The following PSMB1 variants were observed in gnomAD, a reference collection of about 807,000 sequenced individuals.
The protein encoded by PSMB1 is proteasome subunit beta type-1.
A neutral mutation model predicts 25.4 loss-of-function variants in PSMB1; 7 were observed. The observed-to-expected ratio is 0.28, with a 90% CI of 0.16 to 0.52. The LOEUF is 0.52. PSMB1 is among the 20% of genes least tolerant of loss of function. PSMB1 has a pLI of 0.97. For synonymous variants in PSMB1, 119 were observed against 115.0 expected, an observed-to-expected ratio of 1.03 and a Z score of -0.22; for missense variants, 284 against 302.2, an observed-to-expected ratio of 0.94 and a Z score of 0.45.
rs544815412 is a variant in PSMB1, at chr6:170,552,478, T to C, written c.113+652A>G. On this transcript the variant is annotated intron_variant, in intron 1 of 5. Transcript: ENST00000262193. ...AAGAACACACATACTAAAAGGTCCA[T>C]CTTCTGAGTATTTTGTTTTCCTGAA... Among the ~76,000 whole-genome samples the C allele has an allele frequency of 2.6e-5, 4 of 151,768 alleles. No homozygotes were observed. The East Asian group carries it at 7.8e-4, about 30-fold the overall frequency.
rs749382201 is a variant in PSMB1, at chr6:170,535,241, A to C, written c.705T>G (p.Thr235=). Residue 235 remains threonine, a synonymous_variant, in exon 6 of 6, where the codon ACT becomes ACG. Transcript: ENST00000262193. ...CAGATCAGTCCTTCCTTAAGGAAAC[A>C]GTTTCCTCCCTGATGCCCTCTTTGG... ...IVTKEGIREE[T]VSLRKD 1.0e-4 allele frequency: 166 copies of C among 1,614,000 alleles called. No individual in the cohort carries two copies. The highest frequency in any genetic ancestry group is 1.7e-4 in the Admixed American group (10 of 59,994).
chr6:170,551,454 G>A (rs1272512490), intron 1 of PSMB1, among the ~76,000 whole-genome samples: 2 of 152,148 alleles, frequency 1.3e-5, no homozygotes, highest in East Asian at 3.9e-4. Flanking sequence ...AGAGCCAGCT[G>A]CAGTAAACAC....
intron 1 of PSMB1, among the ~76,000 whole-genome samples, chr6:170,552,852 T>G (rs1358533714): frequency 2.6e-5 from 4 of 152,202 alleles, no homozygotes; most frequent in Non-Finnish European, 5.9e-5. Flanking sequence ...GGAGTGGCGG[T>G]CCACATAAAA....
At chr6:170,547,846 T>C (rs1778839312) in intron 2 of PSMB1, among the ~76,000 whole-genome samples, 1 of 150,336 alleles carries the variant, frequency 6.7e-6, no homozygotes, top group Non-Finnish European at 1.5e-5. Flanking sequence ...TGCTGCATTG[T>C]TCTTATTCTC....
intron 1 of PSMB1, among the ~76,000 whole-genome samples, chr6:170,551,131 G>A (rs775173538): frequency 6.6e-6 from 1 of 152,170 alleles, no homozygotes; most frequent in Non-Finnish European, 1.5e-5. Context: ...GACAGAGTGA[G>A]ACTCTGTCTC....
At chr6:170,546,216 G>A in intron 2 of PSMB1, 32 bp from the exon 3 acceptor site, 1 of 1,571,798 alleles carries the variant, frequency 6.4e-7, no homozygotes, top group South Asian at 1.1e-5. Context: ...AAACTGAGCT[G>A]GTTAGATAGT....
chr6:170,537,120 C>A (rs1778703794), intron 5 of PSMB1, 114 bp downstream of exon 5: 1 of 755,942 alleles, frequency 1.3e-6, no homozygotes, highest in South Asian at 1.7e-5. Context: ...ATAAGAAAGT[C>A]TTTATATCTT....
At chr6:170,539,067 C>A (rs1039338428) in intron 4 of PSMB1, among the ~76,000 whole-genome samples, 11 of 151,986 alleles carry the variant, frequency 7.2e-5, no homozygotes, top group Non-Finnish European at 1.5e-4. Context: ...AAGAGAGACA[C>A]TAGTAAAATC....
intron 3 of PSMB1, among the ~76,000 whole-genome samples, chr6:170,544,543 A>T (rs2114978740): frequency 6.6e-6 from 1 of 152,290 alleles, no homozygotes; most frequent in South Asian, 2.1e-4. Flanking sequence ...ACCACATAGC[A>T]AACATCTCTA....
At position 170,551,581 on chromosome 6, in the gene PSMB1, T is replaced by C. The variant is rs17860804; in HGVS notation, c.113+1549A>G. 6.4e-3 allele frequency among the ~76,000 whole-genome samples: 968 copies of C among 152,158 alleles called. 2 individuals carry two copies. Among genetic ancestry groups the C allele is most frequent in the South Asian group, 0.011 (51 of 4,828 alleles). Reference sequence around the variant, plus strand: ...TAAAAAGTGAGTAACGAGTAGGGCATACTGAACACTGAAAATTCTTATTTA... The same window carrying C: ...TAAAAAGTGAGTAACGAGTAGGGCACACTGAACACTGAAAATTCTTATTTA... On this transcript the variant is annotated intron_variant, in intron 1 of 5. Coordinates refer to ENST00000262193, the MANE Select transcript of PSMB1 (RefSeq NM_002793.4).
At chr6:170,537,576 C>T (rs1482965007) in intron 4 of PSMB1, among the ~76,000 whole-genome samples, 5 of 152,110 alleles carry the variant, frequency 3.3e-5, no homozygotes, top group Admixed American at 3.3e-4. Flanking sequence ...GCAGACAGCC[C>T]CAATCCCCGT....
At chr6:170,549,525 T>C (rs1213083663) in intron 1 of PSMB1, 2 of 156,130 alleles carry the variant, frequency 1.3e-5, no homozygotes, top group Non-Finnish European at 2.8e-5. Flanking sequence ...TCTTGCTTCA[T>C]TTCTTTATAT....
chr6:170,540,282 C>A (rs1464362486), intron 4 of PSMB1, among the ~76,000 whole-genome samples: 3 of 152,114 alleles, frequency 2.0e-5, no homozygotes, highest in Non-Finnish European at 4.4e-5. Context: ...AGCAGAGGCT[C>A]TGGACTTAGG....
chr6:170,548,503 T>TA (rs57002371), intron 2 of PSMB1, among the ~76,000 whole-genome samples: 2,589 of 144,918 alleles, frequency 0.018, 69 homozygotes, highest in African/African-American at 0.061. Flanking sequence ...ATGTTTCAGG[T>TA]AAAAAAAAAA....
At chr6:170,551,664 T>C (rs959512997) in intron 1 of PSMB1, among the ~76,000 whole-genome samples, 2 of 152,164 alleles carry the variant, frequency 1.3e-5, no homozygotes, top group African/African-American at 2.4e-5. Flanking sequence ...ACAACTTAAT[T>C]AGTCATCACA....
intron 4 of PSMB1, among the ~76,000 whole-genome samples, chr6:170,542,322 G>T (rs866119869): frequency 1.3e-5 from 2 of 152,058 alleles, no homozygotes; most frequent in Non-Finnish European, 1.5e-5. Flanking sequence ...GAGGCAGGGC[G>T]CTGAAATGAA....
intron 2 of PSMB1, among the ~76,000 whole-genome samples, chr6:170,548,532 TA>T (rs553638412): frequency 5.9e-4 from 89 of 152,068 alleles, no homozygotes; most frequent in African/African-American, 2.0e-3. Flanking sequence ...GAGGCAGATT[TA>T]AAAAAAATAT....
chr6:170,553,249 G>GCTGCGC lies in PSMB1; in HGVS notation c.-13_-8dup. 1 of 1,593,814 alleles carries GCTGCGC rather than the reference G, an allele frequency of 6.3e-7. No individual in the cohort carries two copies. Among genetic ancestry groups the GCTGCGC allele is most frequent in the Non-Finnish European group, 8.6e-7 (1 of 1,165,502 alleles). On this transcript the variant is annotated 5_prime_UTR_variant, in exon 1 of 6. Transcript: ENST00000262193. ...TGGCTGTAGAGGACAACATCGCACG[G>GCTGCGC]CTGCGCCTGCGGATCCGACACTTGC...
intron 1 of PSMB1, among the ~76,000 whole-genome samples, chr6:170,552,856 C>T (rs1778929909): frequency 6.6e-6 from 1 of 152,232 alleles, no homozygotes; most frequent in Non-Finnish European, 1.5e-5. Flanking sequence ...TGGCGGTCCA[C>T]ATAAAAACTC....
Sources: gnomAD v4.1 joint callset for allele counts (sites outside exome capture counted in the v4.1 genomes callset) on GRCh38, gnomAD v4.1.1 for gene constraint, MANE v1.5 for transcripts, NCBI Gene and HGNC (gene_info 2026-07-23, HGNC 2026-07-21) for gene names.